ATAT1: variants seen among roughly 807,000 people sequenced by gnomAD.
ATAT1 encodes alpha tubulin acetyltransferase 1.
In ATAT1, 42 loss-of-function variants were observed where a neutral mutation model predicts 57.2. That is an observed-to-expected ratio of 0.73 (90% CI 0.57 to 0.95). The LOEUF is 0.95. Ranked by LOEUF, ATAT1 falls within the 40% of genes least tolerant of loss-of-function variation. ATAT1 has a pLI of 0.00. For synonymous variants in ATAT1, 168 were observed against 187.1 expected, an observed-to-expected ratio of 0.90 and a Z score of 0.83; for missense variants, 454 against 523.7, an observed-to-expected ratio of 0.87 and a Z score of 1.30.
intron 6 of ATAT1, among the ~76,000 whole-genome samples, chr6:30,631,728 G>A (rs542445130): frequency 1.3e-5 from 2 of 152,002 alleles, no homozygotes; most frequent in African/African-American, 4.8e-5. Context: ...GCAGTGAGCC[G>A]AGATGGTACC....
chr6:30,646,253 T>C (rs1306169891), intron 12 of ATAT1, 144 bp downstream of exon 12: 2 of 1,463,916 alleles, frequency 1.4e-6, no homozygotes, highest in Admixed American at 2.6e-5. Flanking sequence ...CCTTACATCC[T>C]GCAAGCCCCT....
At chr6:30,628,227 C>T (rs545422767) in intron 5 of ATAT1, 82 bp downstream of exon 5, 54 of 1,524,082 alleles carry the variant, frequency 3.5e-5, no homozygotes, top group East Asian at 6.8e-5. Flanking sequence ...CCTCCCACCC[C>T]CCATGTTCCC....
chr6:30,640,479 G>C, intron 7 of ATAT1, 56 bp from the exon 8 acceptor site: 2 of 1,612,626 alleles, frequency 1.2e-6, no homozygotes, highest in Non-Finnish European at 1.7e-6. Context: ...GAAAGAGCTG[G>C]ACTCTTGGTC....
At chr6:30,641,146 TACTG>T (rs1354883924) in intron 8 of ATAT1, among the ~76,000 whole-genome samples, 2 of 148,030 alleles carry the variant, frequency 1.4e-5, no homozygotes, top group Admixed American at 6.7e-5. Context: ...CAAACACACT[TACTG>T]ACAGTCTGAG....
intron 10 of ATAT1, chr6:30,644,580 C>G: frequency 1.0e-6 from 1 of 985,454 alleles, no homozygotes; most frequent in Non-Finnish European, 1.2e-6. Flanking sequence ...CCTACTCACT[C>G]TTCCCTTTTC....
rs780648068 is a variant in ATAT1 at position 30,628,387 on chromosome 6, A to G, written c.458A>G (p.Lys153Arg). The G allele has an allele frequency of 1.2e-6, 2 of 1,613,076 alleles. No homozygotes were observed. The highest frequency in any genetic ancestry group is 1.7e-6 in the Non-Finnish European group (2 of 1,180,020). ...GACCGACCCTCACAGAAGCTGCTGA[A>G]ATTCCTGAATAAGCACTACAATCTG... is the stretch of plus-strand genomic sequence containing the variant. Residue 153 changes from lysine to arginine, a missense_variant, in exon 6 of 13, where the codon AAA becomes AGA. By Grantham distance (26) the Lys-to-Arg change is conservative (BLOSUM62 2). Around this residue, in one of 3 missense-constraint regions of ATAT1, gnomAD observed 236 missense variants for 284.5 expected, o/e 0.83. Coordinates refer to ENST00000330083, the MANE Select transcript of ATAT1 (RefSeq NM_001031722.4).
chr6:30,640,139 CA>C (rs34579562), intron 6 of ATAT1, among the ~76,000 whole-genome samples: 2,267 of 124,510 alleles, frequency 0.018, 24 homozygotes, highest in Middle Eastern at 0.062. Flanking sequence ...CTCTGCCTCT[CA>C]AAAAAAAAAA....
intron 6 of ATAT1, 146 bp downstream of exon 6, chr6:30,628,576 C>G (rs1232194679): frequency 8.5e-6 from 6 of 702,188 alleles, no homozygotes; most frequent in Non-Finnish European, 1.4e-5. Flanking sequence ...GGTACCATCT[C>G]TCATCCTGTA....
chr6:30,634,246 G>A (rs960240535), intron 6 of ATAT1, among the ~76,000 whole-genome samples: 3 of 151,974 alleles, frequency 2.0e-5, no homozygotes, highest in African/African-American at 7.2e-5. Context: ...TGTACATATT[G>A]TTAGGGTCAT....
intron 10 of ATAT1, chr6:30,643,274 T>C: frequency 2.1e-6 from 3 of 1,420,922 alleles, no homozygotes; most frequent in Non-Finnish European, 2.7e-6. Context: ...AACACCGAGA[T>C]CCATCGAGTT....
In ATAT1 at chr6:30,642,833, G is replaced by GGGGGGGCGCCCCCCCCCCC; in HGVS notation, c.754_755insGGGGGGCGCCCCCCCCCCC (p.Ala252GlyfsTer54). Reference sequence around the variant, plus strand: ...GGCCCCTCGCCGCGCCACACCTCCAGCCCACCCACCCCCCCGCTCCAGCAG... The same window carrying GGGGGGGCGCCCCCCCCCCC: ...GGCCCCTCGCCGCGCCACACCTCCAGGGGGGGCGCCCCCCCCCCCCCCACCCACCCCCCCGCTCCAGCAG... On this transcript the variant is annotated frameshift_variant, in exon 10 of 13. Transcript: ENST00000330083. LOFTEE classifies it high-confidence loss of function. 1.3e-6 allele frequency: 2 copies of GGGGGGGCGCCCCCCCCCCC among 1,537,876 alleles called. No homozygotes were observed. The highest frequency in any genetic ancestry group is 1.7e-6 in the Non-Finnish European group (2 of 1,145,784).
chr6:30,643,312 A>AAAATCT, intron 10 of ATAT1: 1 of 1,420,946 alleles, frequency 7.0e-7, no homozygotes, highest in Non-Finnish European at 9.2e-7. Context: ...TAAGATTGGG[A>AAAATCT]AAATCTTCGC....
Position 30,627,462 on chromosome 6 carries a change from T to G in ATAT1, c.74T>G (p.Val25Gly), listed in dbSNP as rs766556929. 3 of 1,613,524 alleles carry G rather than the reference T, an allele frequency of 1.9e-6. No individual in the cohort carries two copies. The South Asian group carries it at 3.3e-5, about 18-fold the overall frequency. The change falls in exon 2 of 13, where the codon GTT (valine) becomes GGT (glycine). Residue 25 changes from valine to glycine, a missense_variant and splice_region_variant. Coordinates refer to ENST00000330083, the MANE Select transcript of ATAT1 (RefSeq NM_001031722.4). ...CTTTATTTCTTCTCTTTCTCTAGTG[T>G]TGATCTACAGCAGCAAATTATGACC...
rs2127561005 is a variant in ATAT1, at chr6:30,645,895, G to A, written c.933G>A (p.Arg311=). ...CCATCATCTCCCATTTCTTCTACAG[G>A]GGGACTCCCCCAGGTCTGGTAGCCC... Residue 311 remains arginine, a splice_region_variant and synonymous_variant, in exon 11 of 13, where the codon AGG becomes AGA. Transcript: ENST00000330083. The A allele has an allele frequency of 6.7e-7, 1 of 1,485,240 alleles. No homozygotes were observed. Among genetic ancestry groups the A allele is most frequent in the South Asian group, 1.4e-5 (1 of 70,660 alleles). The allele number at this position is 1,485,240 out of a possible 1,614,324, so 92.0% of individuals were successfully genotyped here.
chr6:30,643,832 C>G, intron 10 of ATAT1: 5 of 1,320,122 alleles, frequency 3.8e-6, no homozygotes, highest in Non-Finnish European at 4.8e-6. Context: ...TGTTGCCAGA[C>G]TTCTTGGTTA....
chr6:30,643,287 G>T, intron 10 of ATAT1: 1 of 1,418,730 alleles, frequency 7.0e-7, no homozygotes, highest in Non-Finnish European at 9.2e-7. Flanking sequence ...ATCGAGTTGG[G>T]GGAACAGAGC....
chr6:30,643,616 T>C lies in ATAT1; in HGVS notation c.932+605T>C, dbSNP rs544149016. The C allele has an allele frequency of 1.1e-5, 17 of 1,550,322 alleles. No individual in the cohort carries two copies. The Admixed American group carries it at 1.4e-4, about 13-fold the overall frequency. On this transcript the variant is annotated intron_variant, in intron 10 of 12. Coordinates refer to ENST00000330083, the MANE Select transcript of ATAT1 (RefSeq NM_001031722.4). The stretch of plus-strand genomic sequence containing the variant: ...CTGGGGTGGGCAGGGAACCCCTCCC[T>C]GAGAACCTCAGACCCACTCTTCCAT...
In ATAT1 at chr6:30,627,539, A is replaced by G. The variant is rs1350072047; in HGVS notation, c.132+19A>G. 6 of 1,611,012 alleles carry G rather than the reference A, an allele frequency of 3.7e-6. No individual in the cohort carries two copies. The highest frequency in any genetic ancestry group is 3.3e-5 in the South Asian group (3 of 91,040). On this transcript the variant is annotated intron_variant, in intron 2 of 12. Coordinates refer to ENST00000330083, the MANE Select transcript of ATAT1 (RefSeq NM_001031722.4). ...TGCCAAGGTACTGGAGAGTTTTTAG[A>G]TGGAGTAAAGGGAGGACCTCTGTGG... is the stretch of plus-strand genomic sequence containing the variant.
intron 6 of ATAT1, chr6:30,633,917 T>C (rs528423067): frequency 6.0e-6 from 1 of 166,542 alleles, no homozygotes; most frequent in East Asian, 1.9e-4. Context: ...AAGATGACGA[T>C]GTTGATACCA....
Sources: allele counts gnomAD v4.1 joint callset (sites outside exome capture counted in the v4.1 genomes callset), GRCh38; gene constraint gnomAD v4.1.1; regional missense constraint gnomAD v4.1.1; transcripts MANE v1.5; gene names NCBI Gene and HGNC (gene_info 2026-07-23, HGNC 2026-07-21).